Variants in GBP2 observed in about 807,000 individuals in gnomAD.
GBP2 encodes guanylate-binding protein 2.
In GBP2, 54 loss-of-function variants were observed where a neutral mutation model predicts 60.8. That is an observed-to-expected ratio of 0.89 (90% confidence interval 0.71 to 1.11). GBP2 has a LOEUF of 1.11. Ranked by LOEUF, GBP2 falls within the 50% of genes most tolerant of loss-of-function variation. GBP2 has a pLI of 0.00. For missense variants in GBP2, 665 were observed against 703.3 expected (o/e 0.95, Z 0.62); for synonymous variants, 243 against 256.5 (o/e 0.95, Z 0.50).
At chr1:89,113,982 T>C in intron 7 of GBP2, 34 bp downstream of exon 7, 1 of 1,608,230 alleles carries the variant, frequency 6.2e-7, no homozygotes, top group Non-Finnish European at 8.5e-7. Context: ...GCCCATATTT[T>C]TCTGCCTCTC....
chr1:89,108,144 G>T lies in GBP2; in HGVS notation c.*31C>A. ...TCATGTTGTTTCTTGGGGAGAGGGA[G>T]CTGGACAGGCAAATTTTGCTCCTTG... On this transcript the variant is annotated 3_prime_UTR_variant, in exon 11 of 11. Transcript: ENST00000370466. The T allele has an allele frequency of 8.1e-7, 1 of 1,230,254 alleles. No individual in the cohort carries two copies. 76.2% of individuals were successfully genotyped at this position (1,230,254 alleles called of 1,614,324 possible). A position where few individuals can be genotyped will look rare whatever the true frequency, so the allele number is the denominator to read the frequency against.
At chr1:89,115,716 T>C (rs1277910757) in intron 6 of GBP2, among the ~76,000 whole-genome samples, 1 of 152,184 alleles carries the variant, frequency 6.6e-6, no homozygotes, top group Non-Finnish European at 1.5e-5. Flanking sequence ...TCCTCCTGCC[T>C]CAGCCTCCTG....
rs373749227 is a variant in GBP2, at chr1:89,122,357, C to T, written c.-17-374G>A. Among the ~76,000 whole-genome samples the T allele has an allele frequency of 3.7e-4, 56 of 152,300 alleles. 6 individuals are homozygous for T. Among genetic ancestry groups the T allele is most frequent in the Admixed American group, 9.2e-4 (14 of 15,296 alleles). ...CCACTAATGTCCTTCTGCTCCATGA[C>T]CCAATCCAGGATTCCTCATTGCATT... On this transcript the variant is annotated intron_variant, in intron 1 of 10. Coordinates refer to ENST00000370466, the MANE Select transcript of GBP2 (RefSeq NM_004120.5).
Position 89,109,830 on chromosome 1 carries a change from T to G in GBP2, c.1506A>C (p.Lys502Asn), listed in dbSNP as rs919158047. The G allele has an allele frequency of 6.2e-7, 1 of 1,613,900 alleles. No homozygotes were observed. The highest frequency in any genetic ancestry group is 8.5e-7 in the Non-Finnish European group (1 of 1,180,028). ...TCTTCTTTTGTATTTCCTCCAACAT[T>G]TTCTTTGCAGCTTCTGCAGATTCAG... ...IKAESAEAAK[K>N]MLEEIQKKNE... The change falls in exon 10 of 11, where the codon AAA becomes AAC. Residue 502 changes from lysine to asparagine, a missense_variant. Lys to Asn is a moderately conservative substitution (Grantham distance 94). Coordinates refer to ENST00000370466, the MANE Select transcript of GBP2 (RefSeq NM_004120.5).
At chr1:89,121,462 TTC>T (rs1266592544) in intron 2 of GBP2, among the ~76,000 whole-genome samples, 192 bp from the exon 3 acceptor site, 6 of 152,246 alleles carry the variant, frequency 3.9e-5, no homozygotes, top group African/African-American at 1.4e-4. Flanking sequence ...TTTCTTAAAG[TTC>T]ATTGAAAGCT....
At position 89,112,558 on chromosome 1, in the gene GBP2, A is replaced by G; in HGVS notation, c.1276T>C (p.Ser426Pro). ...LEEDVKQGTF[S>P]KPGGYRLFTQ... ...AAGAGACGGTAACCTCCTGGTTTAG[A>G]AAATGTTCCCTGCTTGACATCTTCT... The change falls in exon 8 of 11, where the codon TCT becomes CCT. Residue 426 changes from serine to proline, a missense_variant. Transcript: ENST00000370466. 6.2e-7 allele frequency: 1 copy of G among 1,614,186 alleles called. No individual in the cohort carries two copies. The highest frequency in any genetic ancestry group is 8.5e-7 in the Non-Finnish European group (1 of 1,180,022).
At chr1:89,121,343 C>T (rs1570323763) in intron 2 of GBP2, 73 bp from the exon 3 acceptor site, 1 of 1,342,562 alleles carries the variant, frequency 7.4e-7, no homozygotes, top group Non-Finnish European at 1.0e-6. Context: ...TAAAAGTTAA[C>T]ATAATTGAAG....
Position 89,114,271 on chromosome 1 carries a change from G to A in GBP2, c.894C>T (p.Tyr298=), listed in dbSNP as rs756151458. 1.1e-5 allele frequency: 17 copies of A among 1,614,100 alleles called. No individual in the cohort carries two copies. Among genetic ancestry groups the A allele is most frequent in the Middle Eastern group, 1.6e-4 (1 of 6,084 alleles). Reference sequence around the variant, plus strand: ...GATCCCCACTGCTGATGGCATTGACGTAGGTCAGCACCAGGCTCTCTAGAC... The same window carrying A: ...GATCCCCACTGCTGATGGCATTGACATAGGTCAGCACCAGGCTCTCTAGAC... The part of the protein sequence containing the change: ...GPRLESLVLT[Y]VNAISSGDLP... Residue 298 remains tyrosine (Y), a synonymous_variant, in exon 7 of 11, where the codon TAC becomes TAT. Transcript: ENST00000370466.
intron 4 of GBP2, 179 bp from the exon 5 acceptor site, chr1:89,117,952 A>C: frequency 1.7e-6 from 1 of 573,750 alleles, no homozygotes; most frequent in Non-Finnish European, 3.1e-6. Context: ...TGAACCAAGC[A>C]CTGCCCTAGG....
At chr1:89,111,755 T>G (rs994482673) in intron 8 of GBP2, among the ~76,000 whole-genome samples, 2 of 152,148 alleles carry the variant, frequency 1.3e-5, no homozygotes, top group African/African-American at 4.8e-5. Context: ...AGGGTGACTA[T>G]AGTCAATAAT....
intron 6 of GBP2, 32 bp downstream of exon 6, chr1:89,116,960 C>T: frequency 1.2e-6 from 2 of 1,610,826 alleles, no homozygotes; most frequent in Admixed American, 3.3e-5. Flanking sequence ...GGAGAAAGTC[C>T]AGGTAGGAAG....
chr1:89,117,323 G>T (rs1162023326), intron 5 of GBP2, 89 bp from the exon 6 acceptor site: 1 of 1,186,978 alleles, frequency 8.4e-7, no homozygotes, highest in Admixed American at 2.4e-5. Context: ...CAAAGCCCAT[G>T]TAAGGAGGAA....
Position 89,121,140 on chromosome 1 carries a change from T to A in GBP2, c.318+3A>T. The A allele has an allele frequency of 6.2e-7, 1 of 1,610,028 alleles. No homozygotes were observed. The highest frequency in any genetic ancestry group is 2.2e-5 in the East Asian group (1 of 44,716). ...AAATTTTTAAAATACTTATTTTTTT[T>A]ACCTTCTCTATATCTCCCAGGCCCT... is the stretch of plus-strand genomic sequence containing the variant. On this transcript the variant is annotated splice_donor_region_variant and intron_variant, in intron 3 of 10. Transcript: ENST00000370466.
chr1:89,109,241 TC>T (rs1435497247), intron 10 of GBP2, among the ~76,000 whole-genome samples: 4 of 152,112 alleles, frequency 2.6e-5, no homozygotes, highest in Non-Finnish European at 5.9e-5. Context: ...AGACATAAAG[TC>T]TTAGCAGGCA....
intron 2 of GBP2, 46 bp downstream of exon 2, chr1:89,121,731 G>A (rs369212133): frequency 9.0e-5 from 142 of 1,574,262 alleles, no homozygotes; most frequent in African/African-American, 8.4e-4. Flanking sequence ...GATGTTCGCC[G>A]TGTGTACGGA....
At chr1:89,115,013 T>A (rs7413158) in intron 6 of GBP2, among the ~76,000 whole-genome samples, 7 of 152,098 alleles carry the variant, frequency 4.6e-5, no homozygotes, top group South Asian at 2.1e-4. Flanking sequence ...AATGCCTATC[T>A]TATATTCCTT....
intron 8 of GBP2, among the ~76,000 whole-genome samples, chr1:89,111,631 G>A (rs1351486693): frequency 1.3e-5 from 2 of 150,066 alleles, no homozygotes; most frequent in Non-Finnish European, 3.0e-5. Context: ...AGGGGGTAAT[G>A]GGGTGGTGGG....
rs372558261 is a variant in GBP2, at chr1:89,112,696, C to T, written c.1150-12G>A. ...GCTTCCAACTGGGCCTGTGAAGTGA[C>T]AAAACAGCACAGATGTTTCAGTAAA... On this transcript the variant is annotated splice_polypyrimidine_tract_variant and intron_variant, in intron 7 of 10. Coordinates refer to ENST00000370466, the MANE Select transcript of GBP2 (RefSeq NM_004120.5). 34 of 1,595,544 alleles carry T rather than the reference C, an allele frequency of 2.1e-5. No individual in the cohort carries two copies. The highest frequency in any genetic ancestry group is 1.7e-4 in the Middle Eastern group (1 of 6,042).
intron 10 of GBP2, among the ~76,000 whole-genome samples, chr1:89,108,926 A>G (rs2026042): frequency 0.64 from 95,728 of 149,682 alleles, 31,008 homozygotes; most frequent in East Asian, 0.78. Flanking sequence ...ATGGAATTTG[A>G]CTCTTGTTGC....
Sources: allele counts gnomAD v4.1 joint callset (sites outside exome capture counted in the v4.1 genomes callset), GRCh38; gene constraint gnomAD v4.1.1; transcripts MANE v1.5; gene names NCBI Gene and HGNC (gene_info 2026-07-23, HGNC 2026-07-21).